The following HSPA12A variants were observed in gnomAD, a reference collection of about 807,000 sequenced individuals.
The protein encoded by HSPA12A is heat shock 70 kDa protein 12A.
Under a neutral mutation model 69.2 loss-of-function variants are expected in HSPA12A, and 28 were observed. The ratio of observed to expected loss-of-function variants is 0.40; its 90% confidence interval spans 0.30 to 0.55. The LOEUF (loss-of-function observed/expected upper bound fraction) is 0.55. HSPA12A is among the 20% of genes least tolerant of loss of function. The pLI is 0.38. For missense variants in HSPA12A, 686 were observed against 900.7 expected (o/e 0.76, Z 3.05); for synonymous variants, 345 against 370.5 (o/e 0.93, Z 0.79).
chr10:116,706,763 C>T (rs576372657), intron 2 of HSPA12A, among the ~76,000 whole-genome samples: 35 of 152,264 alleles, frequency 2.3e-4, no homozygotes, highest in African/African-American at 8.2e-4. Context: ...GTTCCAGAAG[C>T]GATTATACTG....
At chr10:116,718,984 C>T (rs1589657923) in intron 1 of HSPA12A, among the ~76,000 whole-genome samples, 2 of 152,202 alleles carry the variant, frequency 1.3e-5, no homozygotes, top group South Asian at 2.1e-4. Context: ...GTTGTAGAGG[C>T]TGAGTAGCTG....
In HSPA12A at chr10:116,777,393, A is replaced by G. The variant is rs148564323; in HGVS notation, c.91+57542T>C. ...TTTGCAAATTCTGCAGTTTTCAAACATTAGTCCTCAGGTGGACGGAGCCAC... is the reference window on the plus strand; with the variant it reads ...TTTGCAAATTCTGCAGTTTTCAAACGTTAGTCCTCAGGTGGACGGAGCCAC... On this transcript the variant is annotated intron_variant, in intron 2 of 12. Coordinates refer to the HSPA12A transcript ENST00000635765. Among the ~76,000 whole-genome samples the G allele has an allele frequency of 9.5e-3, 1,452 of 152,370 alleles. 24 individuals are homozygous for G. The highest frequency in any genetic ancestry group is 0.031 in the African/African-American group (1,308 of 41,590).
At chr10:116,786,304 G>C (rs1844575704) in intron 2 of HSPA12A, among the ~76,000 whole-genome samples, 1 of 152,168 alleles carries the variant, frequency 6.6e-6, no homozygotes, top group Non-Finnish European at 1.5e-5. Context: ...ATTTGGTGGG[G>C]AAACAGGCTG....
At chr10:116,712,576 C>A (rs1850469004) in intron 1 of HSPA12A, among the ~76,000 whole-genome samples, 1 of 152,102 alleles carries the variant, frequency 6.6e-6, no homozygotes, top group African/African-American at 2.4e-5. Flanking sequence ...GTGGTCCCAG[C>A]TCTAATGGCT....
At chr10:116,785,831 G>A (rs1445333836) in intron 2 of HSPA12A, among the ~76,000 whole-genome samples, 1 of 152,034 alleles carries the variant, frequency 6.6e-6, no homozygotes, top group Non-Finnish European at 1.5e-5. Flanking sequence ...TCCCCGCTGA[G>A]CCCTCCTGCC....
At chr10:116,815,208 G>A (rs1356680928) in intron 2 of HSPA12A, among the ~76,000 whole-genome samples, 1 of 125,430 alleles carries the variant, frequency 8.0e-6, no homozygotes, top group Admixed American at 1.0e-4. Context: ...CTATAAATCT[G>A]CCCAGAGTGG....
Position 116,817,008 on chromosome 10 carries a change from A to G in HSPA12A, c.91+17927T>C, listed in dbSNP as rs544336308. ...CAACTATGCTGTCGAATGTGGAAACATGAAATCTACAGTTTGCTGGAATCA... is the reference window on the plus strand; with the variant it reads ...CAACTATGCTGTCGAATGTGGAAACGTGAAATCTACAGTTTGCTGGAATCA... On this transcript the variant is annotated intron_variant, in intron 2 of 12. Transcript: ENST00000635765. Among the ~76,000 whole-genome samples the G allele has an allele frequency of 9.2e-4, 140 of 152,350 alleles. 2 individuals carry two copies. The South Asian group carries it at 0.027, about 29-fold the overall frequency.
At chr10:116,826,497 G>C (rs1447113555) in intron 2 of HSPA12A, among the ~76,000 whole-genome samples, 1 of 152,322 alleles carries the variant, frequency 6.6e-6, no homozygotes, top group Admixed American at 6.5e-5. Context: ...CTACAGATGC[G>C]TGAGTGTCAC....
Position 116,674,532 on chromosome 10 carries a change from T to A in HSPA12A, c.*249A>T. On this transcript the variant is annotated 3_prime_UTR_variant, in exon 12 of 12. Coordinates refer to ENST00000369209, the MANE Select transcript of HSPA12A (RefSeq NM_025015.3). ...GGCCATTTCACCACTTTTGTACCTA[T>A]GAAAACTAGCTGCTCCTCCAGGATC... The A allele has an allele frequency of 1.9e-6, 1 of 537,040 alleles. No homozygotes were observed. Among genetic ancestry groups the A allele is most frequent in the Non-Finnish European group, 3.3e-6 (1 of 300,224 alleles). The allele number at this position is 537,040 out of a possible 1,614,324, so 33.3% of individuals were successfully genotyped here. A position where few individuals can be genotyped will look rare whatever the true frequency, so the allele number is the denominator to read the frequency against.
chr10:116,713,283 T>A lies in HSPA12A; in HGVS notation c.41-5998A>T, dbSNP rs547283095. Among the ~76,000 whole-genome samples, 4 of 152,098 alleles carry A rather than the reference T, an allele frequency of 2.6e-5. No individual in the cohort carries two copies. The South Asian group carries it at 8.3e-4, about 32-fold the overall frequency. On this transcript the variant is annotated intron_variant, in intron 1 of 11. Transcript: ENST00000369209. ...TTATTACTGTAAGCTGAACTTCCATTTCAGTAAATAATTTATGGGCTGTTT... is the reference window on the plus strand; with the variant it reads ...TTATTACTGTAAGCTGAACTTCCATATCAGTAAATAATTTATGGGCTGTTT...
At chr10:116,737,447 G>A (rs1851349208) in intron 1 of HSPA12A, among the ~76,000 whole-genome samples, 1 of 152,120 alleles carries the variant, frequency 6.6e-6, no homozygotes, top group Non-Finnish European at 1.5e-5. Flanking sequence ...CAAAGCCCAG[G>A]TTTACCTGCA....
intron 1 of HSPA12A, among the ~76,000 whole-genome samples, chr10:116,712,030 A>G (rs1262760235): frequency 2.6e-5 from 4 of 152,034 alleles, no homozygotes; most frequent in Non-Finnish European, 4.4e-5. Flanking sequence ...CCACAAAACT[A>G]TGGTTAAGCG....
intron 2 of HSPA12A, among the ~76,000 whole-genome samples, chr10:116,803,833 G>A (rs1254871479): frequency 6.6e-6 from 1 of 152,176 alleles, no homozygotes; most frequent in Non-Finnish European, 1.5e-5. Flanking sequence ...CATTCATAAT[G>A]TTTCATACAA....
At chr10:116,817,959 T>A (rs181933898) in intron 2 of HSPA12A, among the ~76,000 whole-genome samples, 163 of 152,300 alleles carry the variant, frequency 1.1e-3, no homozygotes, top group Non-Finnish European at 1.5e-3. Context: ...TCCTGTTACC[T>A]GACCTTACAA....
At chr10:116,765,989 C>T (rs1195200102) in intron 2 of HSPA12A, among the ~76,000 whole-genome samples, 1 of 152,206 alleles carries the variant, frequency 6.6e-6, no homozygotes, top group Non-Finnish European at 1.5e-5. Flanking sequence ...GCTTGTGGCT[C>T]CAACGCACGG....
rs1204790461 is a variant in HSPA12A, at chr10:116,686,561, C to T, written c.664-2599G>A. Among the ~76,000 whole-genome samples, 4 of 152,202 alleles carry T rather than the reference C, an allele frequency of 2.6e-5. No individual in the cohort carries two copies. Among genetic ancestry groups the T allele is most frequent in the African/African-American group, 4.8e-5 (2 of 41,438 alleles). On this transcript the variant is annotated intron_variant, in intron 6 of 11. Transcript: ENST00000369209. This position sits in a 1 kb window ranked among gnomAD's most constrained non-coding sequence, Gnocchi z 4.1. ...GAAGGAAGAAAGGCAAAGACCCAGA[C>T]GCTACATTACGGTTACCATGTCCCA...
In HSPA12A at chr10:116,673,639, G is replaced by A. The variant is rs1184691893; in HGVS notation, c.*1142C>T. 1 of 152,116 alleles carries A rather than the reference G, an allele frequency of 6.6e-6. No individual in the cohort carries two copies. The highest frequency in any genetic ancestry group is 2.4e-5 in the African/African-American group (1 of 41,400). The allele number at this position is 152,116 out of a possible 1,614,324, so 9.4% of individuals were successfully genotyped here. ...GCACCCAGGCAATTCTGATGCAGGC[G>A]AGCCACAGGCCCGCTGTGAAAAAAA... On this transcript the variant is annotated 3_prime_UTR_variant, in exon 12 of 12. Transcript: ENST00000369209.
At chr10:116,691,914 A>G (rs1638402) in intron 6 of HSPA12A, among the ~76,000 whole-genome samples, 152,083 of 152,344 alleles carry the variant, frequency 1, 75,912 homozygotes, top group Middle Eastern at 1. Flanking sequence ...CAGCCTCCAC[A>G]CCAAGCTGAA....
At chr10:116,817,650 C>T (rs989779518) in intron 2 of HSPA12A, among the ~76,000 whole-genome samples, 17 of 152,090 alleles carry the variant, frequency 1.1e-4, no homozygotes, top group South Asian at 2.1e-4. Flanking sequence ...AGTGGAGAAT[C>T]GCGGCCATTG....
Sources: allele counts gnomAD v4.1 joint callset (sites outside exome capture counted in the v4.1 genomes callset), GRCh38; gene constraint gnomAD v4.1.1; non-coding constraint Gnocchi (gnomAD v3.1); transcripts MANE v1.5; gene names NCBI Gene and HGNC (gene_info 2026-07-23, HGNC 2026-07-21).